The following NUDT9 variants were observed in gnomAD, a reference collection of about 807,000 sequenced individuals.
NUDT9 encodes the protein ADP-ribose pyrophosphatase.
Under a neutral mutation model 41.0 loss-of-function variants are expected in NUDT9, and 31 were observed. That is an observed-to-expected ratio of 0.76 (90% CI 0.57 to 1.02). The LOEUF (loss-of-function observed/expected upper bound fraction) is 1.02, where lower values mean the gene tolerates loss of function less well. NUDT9 is among the 50% of genes least tolerant of loss of function. The probability of loss-of-function intolerance (pLI) is 0.00; values close to 1 mark genes in which losing one functional copy is unlikely to be tolerated. For synonymous variants in NUDT9, 146 were observed against 147.6 expected (o/e 0.99, Z 0.08); for missense variants, 380 against 431.4 (o/e 0.88, Z 1.06).
intron 1 of NUDT9, among the ~76,000 whole-genome samples, chr4:87,425,729 A>G (rs1027117366): frequency 3.3e-5 from 5 of 151,808 alleles, no homozygotes; most frequent in Admixed American, 6.6e-5. Flanking sequence ...AAAAAAAAAA[A>G]AAGAATTTTA....
At chr4:87,423,094 C>T in intron 1 of NUDT9, 82 bp downstream of exon 1, 1 of 989,776 alleles carries the variant, frequency 1.0e-6, no homozygotes, top group Non-Finnish European at 1.5e-6. Context: ...CTGGCGTATT[C>T]TGTAGGCTTT....
intron 7 of NUDT9, 133 bp downstream of exon 7, chr4:87,454,588 T>C (rs1722905919): frequency 1.7e-6 from 1 of 583,330 alleles, no homozygotes; most frequent in Non-Finnish European, 3.1e-6. Context: ...TGTAGTTATA[T>C]GAAAGCAAAA....
intron 1 of NUDT9, 71 bp from the exon 2 acceptor site, chr4:87,434,910 C>T: frequency 2.2e-6 from 3 of 1,381,444 alleles, no homozygotes; most frequent in East Asian, 2.4e-5. Flanking sequence ...TAAGCCACTG[C>T]ACCCGGCCTA....
chr4:87,423,643 A>C (rs1288385097), intron 1 of NUDT9, among the ~76,000 whole-genome samples: 1 of 152,194 alleles, frequency 6.6e-6, no homozygotes, highest in Non-Finnish European at 1.5e-5. Flanking sequence ...ATAATTAGAA[A>C]AATCTATTTC....
chr4:87,452,757 T>A (rs888502505), intron 6 of NUDT9, among the ~76,000 whole-genome samples: 6 of 150,232 alleles, frequency 4.0e-5, no homozygotes, highest in African/African-American at 9.8e-5. Context: ...TCCGTGCTTT[T>A]AAAAAAATAC....
intron 2 of NUDT9, among the ~76,000 whole-genome samples, chr4:87,436,928 G>A (rs1254349221): frequency 6.6e-6 from 1 of 152,090 alleles, no homozygotes; most frequent in African/African-American, 2.4e-5. Flanking sequence ...GTGGTGAGGA[G>A]AGTAGTTTAG....
In NUDT9 at chr4:87,458,369, G is replaced by C; in HGVS notation, c.*348G>C. 1 of 163,990 alleles carries C rather than the reference G, an allele frequency of 6.1e-6. No individual in the cohort carries two copies. Among genetic ancestry groups the C allele is most frequent in the Non-Finnish European group, 1.3e-5 (1 of 76,214 alleles). The allele number at this position is 163,990 out of a possible 1,614,324, so 10.2% of individuals were successfully genotyped here. ...ATAACTTCTGTTTCATCTAGTTCTT[G>C]TTTGTCAATGCCTTCCCTCCCGCTC... On this transcript the variant is annotated 3_prime_UTR_variant, in exon 8 of 8. Coordinates refer to ENST00000302174, the MANE Select transcript of NUDT9 (RefSeq NM_024047.5).
chr4:87,449,203 C>T lies in NUDT9; in HGVS notation c.592C>T (p.Gln198Ter). 6.2e-7 allele frequency: 1 copy of T among 1,611,088 alleles called. No homozygotes were observed. Among genetic ancestry groups the T allele is most frequent in the Non-Finnish European group, 8.5e-7 (1 of 1,177,464 alleles). Residue 198 changes from glutamine to a stop codon, truncating the protein, a stop_gained, in exon 5 of 8, where the codon CAA becomes TAA. Transcript: ENST00000302174. LOFTEE classifies it high-confidence loss of function. Reference sequence around the variant, plus strand: ...TCCTGTTTCTGGGAAGCATATCTTACAATTTGTTGCAATAAAAAGGAAAGA... The same window carrying T: ...TCCTGTTTCTGGGAAGCATATCTTATAATTTGTTGCAATAAAAAGGAAAGA... ...MHPVSGKHILQFVAIKRKDCG... is the reference protein window; with the variant it reads ...MHPVSGKHIL
chr4:87,450,824 A>G (rs1268931387), intron 5 of NUDT9, among the ~76,000 whole-genome samples: 2 of 152,200 alleles, frequency 1.3e-5, no homozygotes, highest in Non-Finnish European at 2.9e-5. Context: ...TATCATTTTG[A>G]CAGTTATTCA....
chr4:87,432,106 A>G (rs1721712967), intron 1 of NUDT9, among the ~76,000 whole-genome samples: 1 of 152,248 alleles, frequency 6.6e-6, no homozygotes, highest in South Asian at 2.1e-4. Flanking sequence ...TACATAAAAC[A>G]TCATGCGATG....
At chr4:87,435,949 G>A (rs1414440085) in intron 2 of NUDT9, among the ~76,000 whole-genome samples, 1 of 152,082 alleles carries the variant, frequency 6.6e-6, no homozygotes, top group Non-Finnish European at 1.5e-5. Context: ...GTAGTGAGAA[G>A]AGTTGAGATC....
chr4:87,435,146 G>T lies in NUDT9; in HGVS notation c.273G>T (p.Trp91Cys), dbSNP rs1721872373. 1 of 1,614,074 alleles carries T rather than the reference G, an allele frequency of 6.2e-7. No individual in the cohort carries two copies. Among genetic ancestry groups the T allele is most frequent in the African/African-American group, 1.3e-5 (1 of 74,924 alleles). ...AGAAAGTGGGCTGGCTTGTTGAGTG[G>T]CAAGACTATAAGCCTGTGGAATACA... is the stretch of plus-strand genomic sequence containing the variant. Reference protein sequence around the residue: ...PNEKVGWLVEWQDYKPVEYTA... With the variant: ...PNEKVGWLVECQDYKPVEYTA... Residue 91 changes from tryptophan (W) to cysteine (C), a missense_variant, in exon 2 of 8, where the codon TGG (tryptophan) becomes TGT (cysteine). Physicochemically the swap from Trp to Cys is radical, Grantham distance 215. Transcript: ENST00000302174.
At position 87,454,351 on chromosome 4, in the gene NUDT9, T is replaced by C. The variant is rs1722894880; in HGVS notation, c.790-20T>C. The C allele has an allele frequency of 6.7e-7, 1 of 1,500,526 alleles. No individual in the cohort carries two copies. Among genetic ancestry groups the C allele is most frequent in the Non-Finnish European group, 9.3e-7 (1 of 1,077,002 alleles). 93.0% of individuals were successfully genotyped at this position (1,500,526 alleles called of 1,614,324 possible). A position where few individuals can be genotyped will look rare whatever the true frequency, so the allele number is the denominator to read the frequency against. On this transcript the variant is annotated intron_variant, in intron 6 of 7. Transcript: ENST00000302174. ...ACTACACCTTGGACTTTTAAAAAATTTGTCTTCTTTTGAAAATAGATATAT... is the reference window on the plus strand; with the variant it reads ...ACTACACCTTGGACTTTTAAAAAATCTGTCTTCTTTTGAAAATAGATATAT...
intron 4 of NUDT9, among the ~76,000 whole-genome samples, chr4:87,446,552 T>G (rs1403894188): frequency 3.3e-5 from 5 of 152,104 alleles, no homozygotes; most frequent in African/African-American, 4.8e-5. Context: ...CTTATCTAAT[T>G]AGTGTAAACA....
chr4:87,424,049 T>C (rs1381206134), intron 1 of NUDT9, among the ~76,000 whole-genome samples: 1 of 152,210 alleles, frequency 6.6e-6, no homozygotes, highest in Non-Finnish European at 1.5e-5. Context: ...GTCCTACCCC[T>C]TCATTTCTAA....
intron 2 of NUDT9, among the ~76,000 whole-genome samples, 185 bp downstream of exon 2, chr4:87,435,405 G>A (rs2110168507): frequency 6.6e-6 from 1 of 152,246 alleles, no homozygotes; most frequent in South Asian, 2.1e-4. Context: ...TTATTCTTTT[G>A]GGGGTTTTAT....
At chr4:87,453,920 G>A (rs1257818456) in intron 6 of NUDT9, among the ~76,000 whole-genome samples, 12 of 147,316 alleles carry the variant, frequency 8.1e-5, no homozygotes, top group African/African-American at 2.0e-4. Context: ...GTGCAGTGGC[G>A]CGATCTTGGC....
chr4:87,447,371 C>A (rs1722504344), intron 4 of NUDT9, among the ~76,000 whole-genome samples: 1 of 151,988 alleles, frequency 6.6e-6, no homozygotes, highest in Non-Finnish European at 1.5e-5. Flanking sequence ...TAGTCAGCTA[C>A]TATATAAGGA....
At position 87,430,129 on chromosome 4, in the gene NUDT9, A is replaced by G. The variant is rs139430643; in HGVS notation, c.108-4852A>G. 4.6e-3 allele frequency among the ~76,000 whole-genome samples: 703 copies of G among 152,310 alleles called. 9 individuals carry two copies. Among genetic ancestry groups the G allele is most frequent in the African/African-American group, 0.016 (665 of 41,576 alleles). On this transcript the variant is annotated intron_variant, in intron 1 of 7. Coordinates refer to ENST00000302174, the MANE Select transcript of NUDT9 (RefSeq NM_024047.5). ...TGATCAAAGATATGATTACTAATAC[A>G]TGGTCAGAGAGATTTCTATGTTGCT...
Sources: allele counts gnomAD v4.1 joint callset (sites outside exome capture counted in the v4.1 genomes callset), GRCh38; gene constraint gnomAD v4.1.1; transcripts MANE v1.5; gene names NCBI Gene and HGNC (gene_info 2026-07-23, HGNC 2026-07-21).